The following SLC44A5 variants were observed in gnomAD, a reference collection of about 807,000 sequenced individuals.
SLC44A5 encodes choline transporter-like protein 5.
A neutral mutation model predicts 101.8 loss-of-function variants in SLC44A5; 57 were observed. That is an observed-to-expected ratio of 0.56 (90% CI 0.45 to 0.70). The LOEUF (loss-of-function observed/expected upper bound fraction) is 0.70, where lower values mean the gene tolerates loss of function less well. SLC44A5 is among the 30% of genes least tolerant of loss of function. SLC44A5 has a pLI of 0.00. For synonymous variants in SLC44A5, 281 were observed against 290.9 expected (o/e 0.97, Z 0.35); for missense variants, 737 against 853.1 (o/e 0.86, Z 1.70).
the SLC44A5 span, among the ~76,000 whole-genome samples, chr1:75,695,728 G>A: frequency 6.8e-6 from 1 of 147,624 alleles, no homozygotes; most frequent in Admixed American, 6.8e-5. Flanking sequence ...ACTTATATAT[G>A]TATATAAAAT....
the SLC44A5 span, among the ~76,000 whole-genome samples, chr1:75,678,245 T>C: frequency 6.6e-6 from 1 of 152,286 alleles, no homozygotes; most frequent in Non-Finnish European, 1.5e-5. Flanking sequence ...AAGCTCGAAC[T>C]GGGTGGAGCC....
intron 3 of SLC44A5, 58 bp downstream of exon 3, chr1:75,396,525 T>C: frequency 7.5e-7 from 1 of 1,334,400 alleles, no homozygotes; most frequent in Non-Finnish European, 1.1e-6. Flanking sequence ...CACATATTTC[T>C]CAATGGATAG....
At chr1:75,458,654 T>C (rs1207036414) in intron 2 of SLC44A5, among the ~76,000 whole-genome samples, 1 of 151,900 alleles carries the variant, frequency 6.6e-6, no homozygotes, top group Non-Finnish European at 1.5e-5. Flanking sequence ...ATGTAAAAAA[T>C]GAAGGGAAAA....
intron 2 of SLC44A5, among the ~76,000 whole-genome samples, chr1:75,431,206 A>G (rs539394448): frequency 6.6e-6 from 1 of 152,352 alleles, no homozygotes; most frequent in East Asian, 1.9e-4. Context: ...ACTTGAATAT[A>G]TTAGTTTCTG....
At chr1:75,492,200 AT>A (rs2101813504) in intron 2 of SLC44A5, among the ~76,000 whole-genome samples, 1 of 152,236 alleles carries the variant, frequency 6.6e-6, no homozygotes, top group South Asian at 2.1e-4. Flanking sequence ...GCCAATCCAA[AT>A]TTTTTCTCTT....
intron 6 of SLC44A5, among the ~76,000 whole-genome samples, chr1:75,265,025 A>G (rs914488184): frequency 5.9e-5 from 9 of 152,174 alleles, no homozygotes; most frequent in African/African-American, 2.2e-4. Flanking sequence ...GGATAAATTC[A>G]TGGACACATA....
chr1:75,375,129 C>T (rs772226134), intron 3 of SLC44A5, among the ~76,000 whole-genome samples: 16 of 152,232 alleles, frequency 1.1e-4, no homozygotes, highest in African/African-American at 2.9e-4. Flanking sequence ...ATCCAAGTAT[C>T]GAAAGACAAC....
chr1:75,296,614 C>T (rs973003992), intron 5 of SLC44A5, among the ~76,000 whole-genome samples: 8 of 152,052 alleles, frequency 5.3e-5, no homozygotes, highest in East Asian at 1.9e-4. Flanking sequence ...GCAACAGTGA[C>T]GCCAGACTTT....
intron 2 of SLC44A5, among the ~76,000 whole-genome samples, chr1:75,439,448 T>C (rs189705482): frequency 6.5e-4 from 99 of 152,238 alleles, no homozygotes; most frequent in Middle Eastern, 3.4e-3. Flanking sequence ...CTAGGCAAAA[T>C]GGTGCATGCC....
chr1:75,243,479 G>A (rs1019336018), intron 7 of SLC44A5, among the ~76,000 whole-genome samples: 50 of 151,964 alleles, frequency 3.3e-4, no homozygotes, highest in Non-Finnish European at 1.0e-4. Context: ...GAAATTTCAT[G>A]TACTAGTTAC....
At chr1:75,385,848 AG>A (rs1214199241) in intron 3 of SLC44A5, among the ~76,000 whole-genome samples, 1 of 152,040 alleles carries the variant, frequency 6.6e-6, no homozygotes, top group Non-Finnish European at 1.5e-5. Flanking sequence ...CACATCCAAA[AG>A]CTTATCCACC....
chr1:75,255,029 G>A (rs547781394), intron 6 of SLC44A5, among the ~76,000 whole-genome samples: 13 of 152,218 alleles, frequency 8.5e-5, no homozygotes, highest in South Asian at 4.1e-4. Flanking sequence ...GTTCTATGGC[G>A]TTTTGAAAGC....
chr1:75,244,244 C>T (rs665575), intron 7 of SLC44A5, among the ~76,000 whole-genome samples: 1 of 151,962 alleles, frequency 6.6e-6, no homozygotes, highest in Non-Finnish European at 1.5e-5. Flanking sequence ...TCACTTGTTT[C>T]TGTGTGCCTG....
At chr1:75,458,714 C>A (rs1666328420) in intron 2 of SLC44A5, among the ~76,000 whole-genome samples, 1 of 152,116 alleles carries the variant, frequency 6.6e-6, no homozygotes, top group African/African-American at 2.4e-5. Flanking sequence ...AAGGGAATAT[C>A]TCTTATACTT....
At chr1:75,496,581 C>T (rs1220453225) in intron 2 of SLC44A5, among the ~76,000 whole-genome samples, 2 of 147,260 alleles carry the variant, frequency 1.4e-5, no homozygotes, top group African/African-American at 5.0e-5. Context: ...TATGACATCA[C>T]AAGCACACAA....
chr1:75,618,853 T>A, the SLC44A5 span, among the ~76,000 whole-genome samples: 3 of 152,088 alleles, frequency 2.0e-5, no homozygotes, highest in East Asian at 5.8e-4. Context: ...GTGGACCACC[T>A]GTGGTCAGGA....
intron 3 of SLC44A5, among the ~76,000 whole-genome samples, chr1:75,350,933 A>C (rs1281298674): frequency 6.6e-6 from 1 of 151,574 alleles, no homozygotes; most frequent in Non-Finnish European, 1.5e-5. Flanking sequence ...AAAGGTTGAA[A>C]CAAAAGGATG....
At chr1:75,386,281 A>C (rs555910415) in intron 3 of SLC44A5, among the ~76,000 whole-genome samples, 3,248 of 152,268 alleles carry the variant, frequency 0.021, 99 homozygotes, top group African/African-American at 0.064. Context: ...CCCTGTTTGC[A>C]GATGACATGA....
intron 5 of SLC44A5, among the ~76,000 whole-genome samples, chr1:75,293,292 CTTG>C (rs1553156478): frequency 1.3e-5 from 2 of 152,172 alleles, no homozygotes; most frequent in Non-Finnish European, 2.9e-5. Flanking sequence ...AAAGCATGTT[CTTG>C]TTGTGCTCTA....
Sources: allele counts gnomAD v4.1 joint callset (sites outside exome capture counted in the v4.1 genomes callset), GRCh38; gene constraint gnomAD v4.1.1; transcripts MANE v1.5; gene names NCBI Gene and HGNC (gene_info 2026-07-23, HGNC 2026-07-21).